NRCAM: variants seen among roughly 807,000 people sequenced by gnomAD.
NRCAM encodes the protein NgCAM-related cell adhesion molecule.
A neutral mutation model predicts 156.5 loss-of-function variants in NRCAM; 83 were observed. That is an observed-to-expected ratio of 0.53 (90% CI 0.44 to 0.64). The LOEUF (loss-of-function observed/expected upper bound fraction) is 0.64, where lower values mean the gene tolerates loss of function less well. Ranked by LOEUF, NRCAM falls within the 30% of genes least tolerant of loss-of-function variation. The pLI is 0.00. For missense variants in NRCAM, 1,417 were observed against 1,597.3 expected (o/e 0.89, Z 1.92); for synonymous variants, 538 against 563.9 (o/e 0.95, Z 0.65).
chr7:108,402,467 T>C (rs1468821858), intron 1 of NRCAM, among the ~76,000 whole-genome samples: 2 of 152,216 alleles, frequency 1.3e-5, no homozygotes, highest in African/African-American at 4.8e-5. Context: ...TGTGAAAAGA[T>C]GGTTTTCATT....
chr7:108,301,389 G>A (rs1184496386), intron 3 of NRCAM, among the ~76,000 whole-genome samples: 1 of 152,104 alleles, frequency 6.6e-6, no homozygotes. Context: ...CAGAAAATAG[G>A]TTCCATGACC....
intron 2 of NRCAM, among the ~76,000 whole-genome samples, chr7:108,315,962 C>T (rs2098914359): frequency 6.6e-6 from 1 of 152,174 alleles, no homozygotes; most frequent in South Asian, 2.1e-4. Flanking sequence ...ATATATACCA[C>T]CTTACTGTCA....
chr7:108,191,681 A>T, intron 18 of NRCAM, 48 bp downstream of exon 18: 1 of 1,546,806 alleles, frequency 6.5e-7, no homozygotes, highest in Non-Finnish European at 8.7e-7. Flanking sequence ...TTTTCTTTTC[A>T]ACCAAATGCA....
intron 2 of NRCAM, among the ~76,000 whole-genome samples, chr7:108,359,086 T>C (rs2099530185): frequency 6.6e-6 from 1 of 152,210 alleles, no homozygotes; most frequent in South Asian, 2.1e-4. Context: ...TAGGCTATTT[T>C]AGAGTTTTTG....
rs527801435 is a variant in NRCAM at position 108,303,860 on chromosome 7, T to C, written c.-107+8805A>G. 2.0e-5 allele frequency among the ~76,000 whole-genome samples: 3 copies of C among 152,328 alleles called. No homozygotes were observed. The South Asian group carries it at 6.2e-4, about 32-fold the overall frequency. On this transcript the variant is annotated intron_variant, in intron 3 of 32. Transcript: ENST00000379028. The stretch of plus-strand genomic sequence containing the variant: ...TTTATATCACTATTACACCTTTACA[T>C]GTATATGTACACAATACAGATACAT...
intron 1 of NRCAM, among the ~76,000 whole-genome samples, chr7:108,427,675 GA>G (rs1336053754): frequency 6.6e-6 from 1 of 152,118 alleles, no homozygotes; most frequent in Non-Finnish European, 1.5e-5. Flanking sequence ...CTTCAAAAAA[GA>G]GATCAGAACC....
chr7:108,294,639 C>T (rs2154130902), intron 3 of NRCAM, among the ~76,000 whole-genome samples: 1 of 152,294 alleles, frequency 6.6e-6, no homozygotes, highest in African/African-American at 2.4e-5. Flanking sequence ...ACACAGACTA[C>T]TTGTGCAATG....
chr7:108,206,235 G>C (rs1164313437), intron 13 of NRCAM, among the ~76,000 whole-genome samples: 12 of 152,238 alleles, frequency 7.9e-5, no homozygotes, highest in Admixed American at 7.9e-4. Flanking sequence ...TTGATGGTAA[G>C]AAACAGAGAC....
At chr7:108,390,947 A>G (rs977490602) in intron 2 of NRCAM, among the ~76,000 whole-genome samples, 3 of 152,178 alleles carry the variant, frequency 2.0e-5, no homozygotes, top group Non-Finnish European at 2.9e-5. Flanking sequence ...ACAGTTTGTT[A>G]TAGTTTCTGT....
Position 108,147,971 on chromosome 7 carries a change from T to TTTGTC in NRCAM, c.*1934_*1938dup, listed in dbSNP as rs2039656424. On this transcript the variant is annotated 3_prime_UTR_variant, in exon 33 of 33. Transcript: ENST00000379028. ...CTCTCTGATGCCAAGGCAAACCTGT[T>TTTGTC]TTGTCTTTTTATATTTTCAAGAGAC... The TTTGTC allele has an allele frequency of 6.6e-6, 1 of 152,634 alleles. No homozygotes were observed. Among genetic ancestry groups the TTTGTC allele is most frequent in the African/African-American group, 2.4e-5 (1 of 41,458 alleles). The allele number at this position is 152,634 out of a possible 1,614,324, so 9.5% of individuals were successfully genotyped here. A position where few individuals can be genotyped will look rare whatever the true frequency, so the allele number is the denominator to read the frequency against.
At chr7:108,299,928 G>A (rs1189135994) in intron 3 of NRCAM, among the ~76,000 whole-genome samples, 3 of 152,100 alleles carry the variant, frequency 2.0e-5, no homozygotes, top group Admixed American at 6.5e-5. Context: ...ACTGTACCTC[G>A]ATGTCTTCAT....
At chr7:108,372,876 A>G in intron 2 of NRCAM, among the ~76,000 whole-genome samples, 1 of 152,138 alleles carries the variant, frequency 6.6e-6, no homozygotes, top group East Asian at 1.9e-4. Flanking sequence ...TGAAATCAAC[A>G]TCTCAAAGGA....
intron 7 of NRCAM, 134 bp downstream of exon 7, chr7:108,232,192 T>G: frequency 1.5e-6 from 1 of 659,990 alleles, no homozygotes; most frequent in Non-Finnish European, 2.5e-6. Flanking sequence ...GCAATAACTT[T>G]CATGCAAAAC....
chr7:108,239,863 C>A, intron 4 of NRCAM, 96 bp downstream of exon 4: 1 of 739,554 alleles, frequency 1.4e-6, no homozygotes, highest in East Asian at 2.6e-5. Flanking sequence ...TTCAGTATCA[C>A]ACAGACACCT....
intron 1 of NRCAM, among the ~76,000 whole-genome samples, chr7:108,407,050 T>A (rs2099809382): frequency 6.6e-6 from 1 of 152,232 alleles, no homozygotes; most frequent in African/African-American, 2.4e-5. Flanking sequence ...TAAAGAAAAA[T>A]TTTTAAAAGA....
intron 3 of NRCAM, among the ~76,000 whole-genome samples, chr7:108,266,380 G>A (rs2154021702): frequency 6.6e-6 from 1 of 152,304 alleles, no homozygotes; most frequent in Middle Eastern, 3.4e-3. Flanking sequence ...AGGCTTTGGG[G>A]TCCTGGGCTG....
At chr7:108,184,731 A>C in intron 20 of NRCAM, 117 bp from the exon 21 acceptor site, 1 of 748,342 alleles carries the variant, frequency 1.3e-6, no homozygotes, top group Non-Finnish European at 2.1e-6. Flanking sequence ...GAATTATTTT[A>C]CTTTCAAGAA....
At chr7:108,375,624 ATC>A (rs534380685) in intron 2 of NRCAM, among the ~76,000 whole-genome samples, 75 of 152,274 alleles carry the variant, frequency 4.9e-4, no homozygotes, top group African/African-American at 1.7e-3. Flanking sequence ...CAGCTGTAAA[ATC>A]TCTTTCTGGA....
intron 3 of NRCAM, among the ~76,000 whole-genome samples, chr7:108,292,674 C>G (rs1238880416): frequency 4.6e-5 from 7 of 152,150 alleles, no homozygotes; most frequent in African/African-American, 1.7e-4. Flanking sequence ...ATGCAAGTTA[C>G]TTAAGGTCTG....
Sources: allele counts gnomAD v4.1 joint callset (sites outside exome capture counted in the v4.1 genomes callset), GRCh38; gene constraint gnomAD v4.1.1; transcripts MANE v1.5; gene names NCBI Gene and HGNC (gene_info 2026-07-23, HGNC 2026-07-21).